The following SCP2 variants were observed in gnomAD, a reference collection of about 807,000 sequenced individuals.
SCP2 encodes the protein SCP-2/3-oxoacyl-CoA thiolase.
A neutral mutation model predicts 71.4 loss-of-function variants in SCP2; 48 were observed. The ratio of observed to expected loss-of-function variants is 0.67; its 90% CI spans 0.53 to 0.86. SCP2 has a LOEUF of 0.86. SCP2 is among the 40% of genes least tolerant of loss of function. The pLI is 0.00. For missense variants in SCP2, 560 were observed against 655.6 expected, an observed-to-expected ratio of 0.85 and a Z score of 1.59; for synonymous variants, 220 against 218.1, an observed-to-expected ratio of 1.01 and a Z score of -0.08.
intron 14 of SCP2, among the ~76,000 whole-genome samples, chr1:53,041,928 G>A (rs1055231385): frequency 1.3e-5 from 2 of 152,024 alleles, no homozygotes; most frequent in Non-Finnish European, 2.9e-5. Flanking sequence ...AGAGGAGGTT[G>A]GCAAGCTCCT....
intron 4 of SCP2, 90 bp from the exon 5 acceptor site, chr1:52,954,650 T>C (rs1655631596): frequency 9.4e-7 from 1 of 1,064,568 alleles, no homozygotes; most frequent in Non-Finnish European, 1.5e-6. Flanking sequence ...GTGTGCTCAC[T>C]TGACGTACTT....
chr1:52,960,522 A>ATG (rs1491178838), intron 5 of SCP2, among the ~76,000 whole-genome samples: 2 of 124,620 alleles, frequency 1.6e-5, no homozygotes, highest in South Asian at 2.5e-4. Context: ...GTGTGTGTAT[A>ATG]TGTGTGTATA....
chr1:52,976,506 T>A (rs2150166782), intron 7 of SCP2, among the ~76,000 whole-genome samples, 177 bp from the exon 8 acceptor site: 1 of 152,282 alleles, frequency 6.6e-6, no homozygotes, highest in Admixed American at 6.5e-5. Context: ...TAAAACATAC[T>A]GTATTTTAGA....
chr1:53,016,038 TC>T (rs1244657988), intron 12 of SCP2, among the ~76,000 whole-genome samples: 1 of 146,660 alleles, frequency 6.8e-6, no homozygotes, highest in Non-Finnish European at 1.5e-5. Flanking sequence ...GAGACACACT[TC>T]TTTTTTTTTA....
At chr1:53,027,293 G>A (rs6698224) in intron 12 of SCP2, among the ~76,000 whole-genome samples, 20,801 of 151,900 alleles carry the variant, frequency 0.14, 2,031 homozygotes, top group East Asian at 0.32. Flanking sequence ...GAGCTCAAGC[G>A]ATCTGTCCGC....
intron 6 of SCP2, among the ~76,000 whole-genome samples, chr1:52,970,017 G>A (rs1373327803): frequency 6.6e-6 from 1 of 151,916 alleles, no homozygotes; most frequent in African/African-American, 2.4e-5. Context: ...CCTGATTACT[G>A]TGTTAAATGT....
Position 53,015,570 on chromosome 1 carries a change from A to G in SCP2, c.1235+527A>G, listed in dbSNP as rs187461411. ...CCTCAACTCCCTTGCTTATCTCTCAAAGAAATGTTCCTCCCCAGAGGAAAA... is the reference window on the plus strand; with the variant it reads ...CCTCAACTCCCTTGCTTATCTCTCAGAGAAATGTTCCTCCCCAGAGGAAAA... On this transcript the variant is annotated intron_variant, in intron 12 of 15. Coordinates refer to ENST00000371514, the MANE Select transcript of SCP2 (RefSeq NM_002979.5). Among the ~76,000 whole-genome samples, 949 of 152,210 alleles carry G rather than the reference A, an allele frequency of 6.2e-3. 16 individuals are homozygous for G. The highest frequency in any genetic ancestry group is 0.022 in the African/African-American group (912 of 41,514).
At chr1:53,044,365 C>T (rs531459059) in intron 14 of SCP2, among the ~76,000 whole-genome samples, 52 of 152,242 alleles carry the variant, frequency 3.4e-4, no homozygotes, top group African/African-American at 1.2e-3. Context: ...GCTTCTATTC[C>T]GTCTCTTTTA....
rs181361502 is a variant in SCP2, at chr1:53,022,824, A to G, written c.1236-5145A>G. ...TCTCAGTCTTTGACATTGTTGTAGC[A>G]GAGCCTGTTTTAGGCCTTAGAATGA... On this transcript the variant is annotated intron_variant, in intron 12 of 15. Coordinates refer to ENST00000371514, the MANE Select transcript of SCP2 (RefSeq NM_002979.5). Among the ~76,000 whole-genome samples, 9 of 152,326 alleles carry G rather than the reference A, an allele frequency of 5.9e-5. No individual in the cohort carries two copies. The East Asian group carries it at 1.7e-3, about 29-fold the overall frequency.
At chr1:52,927,486 G>A (rs761148476) in intron 1 of SCP2, 21 bp downstream of exon 1, 1 of 1,577,772 alleles carries the variant, frequency 6.3e-7, no homozygotes, top group South Asian at 1.2e-5. Context: ...CAGCGGCCCT[G>A]CTGGCCCTCT....
chr1:52,939,921 C>T (rs1398282357), intron 1 of SCP2, among the ~76,000 whole-genome samples: 2 of 152,128 alleles, frequency 1.3e-5, no homozygotes, highest in African/African-American at 2.4e-5. Context: ...CCACCCACCT[C>T]GGCTTCCTAA....
intron 1 of SCP2, among the ~76,000 whole-genome samples, chr1:52,939,558 C>T (rs1438781435): frequency 1.3e-5 from 2 of 152,106 alleles, no homozygotes; most frequent in African/African-American, 4.8e-5. Context: ...CAAAACAAAA[C>T]AACAACAAAA....
At chr1:52,993,324 T>C (rs564665889) in intron 11 of SCP2, 1 of 1,614,224 alleles carries the variant, frequency 6.2e-7, no homozygotes, top group East Asian at 2.2e-5. Flanking sequence ...TGATCTACAT[T>C]CATCCTAATC....
chr1:52,976,885 C>T, intron 8 of SCP2, 116 bp downstream of exon 8: 2 of 682,566 alleles, frequency 2.9e-6, no homozygotes, highest in South Asian at 1.6e-5. Context: ...AGAACTCCTC[C>T]CAGTGCCGTC....
At chr1:53,036,019 C>CCAAA (rs1299503523) in intron 13 of SCP2, among the ~76,000 whole-genome samples, 4 of 63,294 alleles carry the variant, frequency 6.3e-5, no homozygotes, top group African/African-American at 1.5e-4. Flanking sequence ...GACTCCGTCT[C>CCAAA]AAAAAAAAAA....
rs535569021 is a variant in SCP2 at position 53,030,857 on chromosome 1, G to A, written c.1338+2786G>A. Among the ~76,000 whole-genome samples the A allele has an allele frequency of 1.9e-4, 27 of 145,326 alleles. No individual in the cohort carries two copies. The South Asian group carries it at 5.8e-3, about 31-fold the overall frequency. ...GGAGGTTGCAGTGAGCCAAGATCAC[G>A]CCACTGTACTCCAGCCTGGGTGACA... On this transcript the variant is annotated intron_variant, in intron 13 of 15. Coordinates refer to ENST00000371514, the MANE Select transcript of SCP2 (RefSeq NM_002979.5).
At position 52,970,968 on chromosome 1, in the gene SCP2, A is replaced by ATTTTTTTTTTTTTTTTTTTTTTTT. The variant is rs1200663958; in HGVS notation, c.524-3799_524-3776dup. Among the ~76,000 whole-genome samples, 3 of 70,976 alleles carry ATTTTTTTTTTTTTTTTTTTTTTTT rather than the reference A, an allele frequency of 4.2e-5. 1 individual carries two copies. Among genetic ancestry groups the ATTTTTTTTTTTTTTTTTTTTTTTT allele is most frequent in the African/African-American group, 7.2e-5 (1 of 13,812 alleles). The allele number at this position is 70,976 out of a possible 152,430, so 46.6% of individuals were successfully genotyped here. A position where few individuals can be genotyped will look rare whatever the true frequency, so the allele number is the denominator to read the frequency against. On this transcript the variant is annotated intron_variant, in intron 6 of 15. Transcript: ENST00000371514. ...TTTTAGAGGCTATAGAGAGACACAG[A>ATTTTTTTTTTTTTTTTTTTTTTTT]TTTTTTTTTTTTTTTTTTTTTTTTT...
chr1:52,989,704 T>C lies in SCP2; in HGVS notation c.1081+1568T>C, dbSNP rs144469341. Among the ~76,000 whole-genome samples the C allele has an allele frequency of 6.8e-3, 1,034 of 152,260 alleles. 9 individuals are homozygous for C. Among genetic ancestry groups the C allele is most frequent in the African/African-American group, 0.023 (974 of 41,534 alleles). ...AGAGTATTTTCCCTAGAGGCAATTGTCGAGAAAAATCAGCCACAACTGTTC... is the reference window on the plus strand; with the variant it reads ...AGAGTATTTTCCCTAGAGGCAATTGCCGAGAAAAATCAGCCACAACTGTTC... On this transcript the variant is annotated intron_variant, in intron 11 of 15. Transcript: ENST00000371514.
At chr1:53,012,378 A>G (rs1052420637) in intron 11 of SCP2, among the ~76,000 whole-genome samples, 1 of 152,222 alleles carries the variant, frequency 6.6e-6, no homozygotes, top group Non-Finnish European at 1.5e-5. Context: ...AAAATGGACA[A>G]CTTCCCCTGT....
Sources: allele counts gnomAD v4.1 joint callset (sites outside exome capture counted in the v4.1 genomes callset), GRCh38; gene constraint gnomAD v4.1.1; transcripts MANE v1.5; gene names NCBI Gene and HGNC (gene_info 2026-07-23, HGNC 2026-07-21).